The following MMEL1 variants were observed in gnomAD, a reference collection of about 807,000 sequenced individuals.
The protein encoded by MMEL1 is membrane metalloendopeptidase like 1.
MMEL1 carries 98 observed loss-of-function variants against 117.1 expected under a neutral mutation model. The ratio of observed to expected loss-of-function variants is 0.84; its 90% CI spans 0.71 to 0.99. MMEL1 has a LOEUF of 0.99. MMEL1 is among the 50% of genes least tolerant of loss of function. The pLI is 0.00. For missense variants in MMEL1, 1,014 were observed against 1,049.1 expected (o/e 0.97, Z 0.46); for synonymous variants, 390 against 415.1 (o/e 0.94, Z 0.74).
At chr1:2,598,397 C>A in intron 12 of MMEL1, 97 bp from the exon 13 acceptor site, 1 of 1,335,118 alleles carries the variant, frequency 7.5e-7, no homozygotes, top group South Asian at 1.2e-5. Context: ...CGTTCCACCC[C>A]AGAGAGTTAT....
intron 11 of MMEL1, among the ~76,000 whole-genome samples, chr1:2,600,722 G>GT (rs143624400): frequency 1.1e-4 from 16 of 150,730 alleles, no homozygotes; most frequent in East Asian, 3.9e-4. Context: ...CAACCCCCCT[G>GT]TTTTTTTACA....
chr1:2,594,331 C>G, intron 18 of MMEL1, 54 bp downstream of exon 18: 2 of 1,533,372 alleles, frequency 1.3e-6, no homozygotes, highest in Non-Finnish European at 1.8e-6. Flanking sequence ...GCAAGCCACC[C>G]CTTCAACTCT....
At chr1:2,624,025 G>A (rs74047743) in intron 2 of MMEL1, among the ~76,000 whole-genome samples, 529 of 152,302 alleles carry the variant, frequency 3.5e-3, no homozygotes, top group African/African-American at 0.012. Context: ...GGCACAGGGC[G>A]AAGCTTGGTT....
intron 3 of MMEL1, among the ~76,000 whole-genome samples, chr1:2,611,637 C>A (rs1570690879): frequency 2.0e-5 from 3 of 152,172 alleles, no homozygotes; most frequent in Admixed American, 2.0e-4. Context: ...CTGAGGCCTT[C>A]AGTGATAGTG....
intron 2 of MMEL1, among the ~76,000 whole-genome samples, chr1:2,614,406 T>C (rs763841630): frequency 6.6e-6 from 1 of 152,178 alleles, no homozygotes; most frequent in Non-Finnish European, 1.5e-5. Context: ...CTGAAACCAC[T>C]GCACATGTAC....
Position 2,612,423 on chromosome 1 carries a change from G to A in MMEL1, c.155-219C>T, listed in dbSNP as rs1027203754. Among the ~76,000 whole-genome samples, 10 of 152,062 alleles carry A rather than the reference G, an allele frequency of 6.6e-5. No homozygotes were observed. The highest frequency in any genetic ancestry group is 2.2e-4 in the African/African-American group (9 of 41,406). On this transcript the variant is annotated intron_variant, in intron 2 of 23. Transcript: ENST00000378412. The surrounding 1 kb of genome is among the most constrained non-coding windows in gnomAD (Gnocchi z 5.4). ...GTGTCCTGCTGGGCTTGAATGGGGG[G>A]CGGTTTGCCCTGCCTTGCCAGCCCC...
Position 2,593,926 on chromosome 1 carries a change from A to G in MMEL1, c.1755T>C (p.Pro585=). The G allele has an allele frequency of 6.2e-7, 1 of 1,606,636 alleles. No homozygotes were observed. The highest frequency in any genetic ancestry group is 8.5e-7 in the Non-Finnish European group (1 of 1,176,420). The change falls in exon 19 of 24, where the codon CCT becomes CCC. Residue 585 remains proline (P), a synonymous_variant. Transcript: ENST00000378412. ...AGAAGGGGGGCTGGAGGATCCCGGC[A>G]GGGAATACTGTCCCCAAGGGCGGGA... The part of the protein sequence containing the change: ...YSPNRNQIVF[P]AGILQPPFFS...
Position 2,597,050 on chromosome 1 carries a change from G to A in MMEL1, c.1273-361C>T, listed in dbSNP as rs528907634. On this transcript the variant is annotated intron_variant, in intron 13 of 23. Transcript: ENST00000378412. The stretch of plus-strand genomic sequence containing the variant: ...GCGCTGACCCCAGAGCAAGGCCTGG[G>A]ACCACGTCCCTCTCAGCCACCAGCT... Among the ~76,000 whole-genome samples, 584 of 152,148 alleles carry A rather than the reference G, an allele frequency of 3.8e-3. 5 individuals are homozygous for A. Among genetic ancestry groups the A allele is most frequent in the Non-Finnish European group, 6.9e-3 (469 of 67,966 alleles).
Position 2,592,795 on chromosome 1 carries a change from G to C in MMEL1, c.2001+38C>G, listed in dbSNP as rs565493285. The C allele has an allele frequency of 4.3e-5, 70 of 1,611,900 alleles. No individual in the cohort carries two copies. In the Admixed American group the frequency reaches 1.2e-3, roughly 27 times the overall value. On this transcript the variant is annotated intron_variant, in intron 20 of 23. Coordinates refer to ENST00000378412, the MANE Select transcript of MMEL1 (RefSeq NM_033467.4). The stretch of plus-strand genomic sequence containing the variant: ...CCCTCAGGGCCAGGGCTGGGGCTCC[G>C]GTACCCCCGCAGCCTGGGTGCTGGT...
chr1:2,599,664 G>T (rs968063075), intron 11 of MMEL1, among the ~76,000 whole-genome samples: 1 of 152,126 alleles, frequency 6.6e-6, no homozygotes, highest in Middle Eastern at 3.2e-3. Context: ...TCAAGGCCAT[G>T]CTGGCCAACA....
chr1:2,594,369 A>T lies in MMEL1; in HGVS notation c.1747+16T>A. 3 of 1,551,544 alleles carry T rather than the reference A, an allele frequency of 1.9e-6. No individual in the cohort carries two copies. The highest frequency in any genetic ancestry group is 2.6e-6 in the Non-Finnish European group (3 of 1,146,820). On this transcript the variant is annotated intron_variant, in intron 18 of 23. Coordinates refer to ENST00000378412, the MANE Select transcript of MMEL1 (RefSeq NM_033467.4). The stretch of plus-strand genomic sequence containing the variant: ...CACCAAAGGGCCTGGGCAGGCAGGG[A>T]GGGGGAGGAACTTACCAATCTGGTT...
chr1:2,616,862 A>G (rs868102918), intron 2 of MMEL1, among the ~76,000 whole-genome samples: 1 of 152,212 alleles, frequency 6.6e-6, no homozygotes, highest in Admixed American at 6.5e-5. Context: ...CATTCCCAAC[A>G]TAGGATTTCC....
chr1:2,617,508 G>C (rs997134234), intron 2 of MMEL1, among the ~76,000 whole-genome samples: 1 of 152,000 alleles, frequency 6.6e-6, no homozygotes, highest in African/African-American at 2.4e-5. Flanking sequence ...GCTGAGGTGG[G>C]AGAATTACTT....
At chr1:2,592,106 G>A in intron 21 of MMEL1, 79 bp from the exon 22 acceptor site, 1 of 1,264,012 alleles carries the variant, frequency 7.9e-7, no homozygotes. Flanking sequence ...GCAGAGCAGA[G>A]GTCTGGCTCC....
chr1:2,597,355 T>C (rs1418859136), intron 13 of MMEL1, among the ~76,000 whole-genome samples: 1 of 151,680 alleles, frequency 6.6e-6, no homozygotes, highest in East Asian at 1.9e-4. Flanking sequence ...ACAGGAGGCT[T>C]GACTTGCCCC....
chr1:2,608,562 T>C (rs977722435), intron 6 of MMEL1, among the ~76,000 whole-genome samples: 1 of 151,512 alleles, frequency 6.6e-6, no homozygotes, highest in African/African-American at 2.4e-5. Flanking sequence ...CATATACACA[T>C]GTACACAAGT....
intron 2 of MMEL1, among the ~76,000 whole-genome samples, chr1:2,628,613 G>T (rs975167383): frequency 7.9e-5 from 12 of 151,854 alleles, no homozygotes; most frequent in Admixed American, 2.0e-4. Context: ...CGGCTGGAAG[G>T]TGACCAGGTC....
At chr1:2,604,337 G>C in intron 9 of MMEL1, 56 bp from the exon 10 acceptor site, 1 of 1,595,934 alleles carries the variant, frequency 6.3e-7, no homozygotes, top group South Asian at 1.1e-5. Context: ...TGGCCCCCAG[G>C]GAGTTTTCTG....
intron 10 of MMEL1, 49 bp downstream of exon 10, chr1:2,604,098 G>T: frequency 6.4e-7 from 1 of 1,573,322 alleles, no homozygotes; most frequent in Non-Finnish European, 8.7e-7. Flanking sequence ...ACCGCCTGGG[G>T]CTCCCAGCCC....
Sources: allele counts gnomAD v4.1 joint callset (sites outside exome capture counted in the v4.1 genomes callset), GRCh38; gene constraint gnomAD v4.1.1; non-coding constraint Gnocchi (gnomAD v3.1); transcripts MANE v1.5; gene names NCBI Gene and HGNC (gene_info 2026-07-23, HGNC 2026-07-21).